The following TNNI3K variants were observed in gnomAD, a reference collection of about 807,000 sequenced individuals.
The protein encoded by TNNI3K is serine/threonine-protein kinase TNNI3K.
Under a neutral mutation model 114.5 loss-of-function variants are expected in TNNI3K, and 140 were observed. The observed-to-expected ratio is 1.22, with a 90% CI of 1.07 to 1.41. The LOEUF is 1.41. TNNI3K is among the 40% of genes most tolerant of loss of function. TNNI3K has a pLI of 0.00. For synonymous variants in TNNI3K, 347 were observed against 347.5 expected, an observed-to-expected ratio of 1.00 and a Z score of 0.02; for missense variants, 1,125 against 1,007.6, an observed-to-expected ratio of 1.12 and a Z score of -1.58.
In TNNI3K at chr1:74,336,062, G is replaced by A; in HGVS notation, c.595G>A (p.Val199Ile). ...FGADVNVSGE[V>I]GDRPLHLASA... ...TGCTGATGTAAATGTAAGTGGTGAA[G>A]TTGGAGATAGACCCCTCCACCTAGC... Residue 199 changes from valine (V) to isoleucine (I), a missense_variant, in exon 7 of 25, where the codon GTT becomes ATT. Val to Ile is a conservative substitution (Grantham distance 29). Coordinates refer to ENST00000326637, the MANE Select transcript of TNNI3K (RefSeq NM_015978.3). 2 of 1,600,260 alleles carry A rather than the reference G, an allele frequency of 1.2e-6. No homozygotes were observed. Among genetic ancestry groups the A allele is most frequent in the Non-Finnish European group, 1.7e-6 (2 of 1,176,188 alleles).
At chr1:74,354,401 T>C (rs1203160088) in intron 11 of TNNI3K, among the ~76,000 whole-genome samples, 1 of 151,880 alleles carries the variant, frequency 6.6e-6, no homozygotes, top group African/African-American at 2.4e-5. Flanking sequence ...GAAACAAAAT[T>C]GTGATAGATA....
At chr1:74,352,486 CTT>C (rs1298214518) in intron 9 of TNNI3K, among the ~76,000 whole-genome samples, 1 of 152,224 alleles carries the variant, frequency 6.6e-6, no homozygotes, top group African/African-American at 2.4e-5. Context: ...CCACTACTCT[CTT>C]CAAAGCTGTC....
At chr1:74,538,163 G>A (rs1570757436) in intron 23 of TNNI3K, among the ~76,000 whole-genome samples, 2 of 152,216 alleles carry the variant, frequency 1.3e-5, no homozygotes, top group South Asian at 4.2e-4. Flanking sequence ...GAAAATTGAG[G>A]AATGTTTGCA....
chr1:74,382,806 G>A (rs1663268098), intron 17 of TNNI3K, among the ~76,000 whole-genome samples: 1 of 152,152 alleles, frequency 6.6e-6, no homozygotes, highest in Admixed American at 6.6e-5. Context: ...TAGTGTTAGA[G>A]CGTTGATGAT....
rs1667881100 is a variant in TNNI3K, at chr1:74,470,641, A to G, written c.2121+7091A>G. 4 of 400,616 alleles carry G rather than the reference A, an allele frequency of 1.0e-5. No homozygotes were observed. The Middle Eastern group carries it at 1.2e-3, about 124-fold the overall frequency. The allele number at this position is 400,616 out of a possible 1,614,324, so 24.8% of individuals were successfully genotyped here. A position where few individuals can be genotyped will look rare whatever the true frequency, so the allele number is the denominator to read the frequency against. On this transcript the variant is annotated intron_variant, in intron 21 of 24. Transcript: ENST00000326637. ...TTCTGTTTTTGAAAGTTTTTTTTCT[A>G]CATCATTTTCTTCCTTATCCATAAT...
intron 17 of TNNI3K, among the ~76,000 whole-genome samples, chr1:74,424,791 T>C (rs1251831820): frequency 1.3e-5 from 2 of 151,542 alleles, no homozygotes; most frequent in Non-Finnish European, 2.9e-5. Context: ...AGATGTAATA[T>C]CAGTAACTAT....
At position 74,367,939 on chromosome 1, in the gene TNNI3K, G is replaced by A. The variant is rs773065130; in HGVS notation, c.1296G>A (p.Leu432=). The A allele has an allele frequency of 6.4e-7, 1 of 1,569,788 alleles. No homozygotes were observed. Among genetic ancestry groups the A allele is most frequent in the Non-Finnish European group, 8.6e-7 (1 of 1,162,614 alleles). ...DGSYVSVPSP[L]GKIKSMTKEK... Reference sequence around the variant, plus strand: ...CCTATGTGTCTGTTCCATCACCCTTGGGGAAGATTAAAAGCATGACAAAAG... The same window carrying A: ...CCTATGTGTCTGTTCCATCACCCTTAGGGAAGATTAAAAGCATGACAAAAG... Residue 432 remains leucine (L), a synonymous_variant, in exon 13 of 25, where the codon TTG becomes TTA. Coordinates refer to ENST00000326637, the MANE Select transcript of TNNI3K (RefSeq NM_015978.3).
At chr1:74,529,119 G>A (rs2100434730) in intron 23 of TNNI3K, among the ~76,000 whole-genome samples, 1 of 152,260 alleles carries the variant, frequency 6.6e-6, no homozygotes, top group South Asian at 2.1e-4. Flanking sequence ...AAATTTGGCT[G>A]AGATGCAGAA....
intron 23 of TNNI3K, among the ~76,000 whole-genome samples, chr1:74,521,600 T>C (rs970840618): frequency 6.6e-6 from 1 of 152,156 alleles, no homozygotes; most frequent in Admixed American, 6.6e-5. Flanking sequence ...TCTGCGTTCC[T>C]TTATTTAGCA....
At chr1:74,354,171 C>T (rs1661538251) in intron 11 of TNNI3K, 42 bp downstream of exon 11, 1 of 1,611,680 alleles carries the variant, frequency 6.2e-7, no homozygotes, top group East Asian at 2.2e-5. Context: ...ATACATTGAA[C>T]TGTGTGCATA....
At chr1:74,426,419 C>T (rs1665643457) in intron 17 of TNNI3K, among the ~76,000 whole-genome samples, 1 of 152,068 alleles carries the variant, frequency 6.6e-6, no homozygotes, top group South Asian at 2.1e-4. Flanking sequence ...GGCTTCTCTT[C>T]TTAATACAGA....
chr1:74,267,524 C>T (rs1047307382), intron 4 of TNNI3K, among the ~76,000 whole-genome samples: 1 of 151,826 alleles, frequency 6.6e-6, no homozygotes, highest in Non-Finnish European at 1.5e-5. Flanking sequence ...TGAGTGACAT[C>T]GGCTATAAAA....
At position 74,524,947 on chromosome 1, in the gene TNNI3K, A is replaced by T. The variant is rs2100423380; in HGVS notation, c.2352-15287A>T. Among the ~76,000 whole-genome samples the T allele has an allele frequency of 1.3e-5, 2 of 152,280 alleles. 1 individual carries two copies. The highest frequency in any genetic ancestry group is 4.1e-4 in the South Asian group (2 of 4,820). Reference sequence around the variant, plus strand: ...TGAGGTACTTTGGGGCTGGAAAGAGAGGTAGCCAATTAATTTGCTTTTTTA... The same window carrying T: ...TGAGGTACTTTGGGGCTGGAAAGAGTGGTAGCCAATTAATTTGCTTTTTTA... On this transcript the variant is annotated intron_variant, in intron 23 of 24. Coordinates refer to ENST00000326637, the MANE Select transcript of TNNI3K (RefSeq NM_015978.3).
chr1:74,400,319 T>A (rs1374102780), intron 17 of TNNI3K, among the ~76,000 whole-genome samples: 1 of 152,140 alleles, frequency 6.6e-6, no homozygotes, highest in African/African-American at 2.4e-5. Flanking sequence ...CACCATACAA[T>A]GACCCTAAGA....
intron 5 of TNNI3K, among the ~76,000 whole-genome samples, chr1:74,282,735 C>T (rs1168336435): frequency 6.6e-6 from 1 of 152,146 alleles, no homozygotes; most frequent in Non-Finnish European, 1.5e-5. Flanking sequence ...CTTTCTGTCT[C>T]TCTCTTTCTC....
intron 17 of TNNI3K, among the ~76,000 whole-genome samples, chr1:74,381,691 G>A (rs1339341396): frequency 6.6e-6 from 1 of 152,012 alleles, no homozygotes. Flanking sequence ...CTTGAATCAG[G>A]GATTCAGTCT....
chr1:74,465,330 C>G (rs1349881575), intron 21 of TNNI3K, among the ~76,000 whole-genome samples: 1 of 152,204 alleles, frequency 6.6e-6, no homozygotes, highest in Non-Finnish European at 1.5e-5. Context: ...GCATGAGTTC[C>G]CAGTGGGTGC....
chr1:74,416,649 C>A, intron 17 of TNNI3K: 3 of 736,608 alleles, frequency 4.1e-6, no homozygotes, highest in Non-Finnish European at 3.3e-6. Flanking sequence ...AAATTAGATA[C>A]ATGAATTTTA....
At chr1:74,514,418 C>T (rs1261788411) in intron 23 of TNNI3K, among the ~76,000 whole-genome samples, 1 of 152,128 alleles carries the variant, frequency 6.6e-6, no homozygotes, top group Non-Finnish European at 1.5e-5. Flanking sequence ...AAAAGGGGAG[C>T]ATTAATGAAA....
Sources: allele counts gnomAD v4.1 joint callset (sites outside exome capture counted in the v4.1 genomes callset), GRCh38; gene constraint gnomAD v4.1.1; transcripts MANE v1.5; gene names NCBI Gene and HGNC (gene_info 2026-07-23, HGNC 2026-07-21).